LAMP1: variants seen among roughly 807,000 people sequenced by gnomAD.
The protein encoded by LAMP1 is lysosome-associated membrane glycoprotein 1.
A neutral mutation model predicts 37.5 loss-of-function variants in LAMP1; 7 were observed. That is an observed-to-expected ratio of 0.19 (90% confidence interval 0.11 to 0.35). The LOEUF (loss-of-function observed/expected upper bound fraction) is 0.35. Ranked by LOEUF, LAMP1 falls within the 10% of genes least tolerant of loss-of-function variation. The probability of loss-of-function intolerance (pLI) is 1.00; values close to 1 mark genes in which losing one functional copy is unlikely to be tolerated. For missense variants in LAMP1, 537 were observed against 552.8 expected (o/e 0.97, Z 0.29); for synonymous variants, 236 against 229.1 (o/e 1.03, Z -0.27).
At position 113,320,614 on chromosome 13, in the gene LAMP1, G is replaced by C; in HGVS notation, c.876+144G>C. The C allele has an allele frequency of 1.3e-6, 1 of 776,764 alleles. No individual in the cohort carries two copies. The highest frequency in any genetic ancestry group is 2.0e-6 in the Non-Finnish European group (1 of 497,658). The allele number at this position is 776,764 out of a possible 1,614,324, so 48.1% of individuals were successfully genotyped here. A position where few individuals can be genotyped will look rare whatever the true frequency, so the allele number is the denominator to read the frequency against. On this transcript the variant is annotated intron_variant, in intron 6 of 8. Transcript: ENST00000332556. This position sits in a 1 kb window ranked among gnomAD's most constrained non-coding sequence, Gnocchi z 4.4. ...CCTTCCCTTTATCCTGGGCTTTTTA[G>C]TTCCTTGGTTCCCCTCCCCCCTTTC... is the stretch of plus-strand genomic sequence containing the variant.
Position 113,321,291 on chromosome 13 carries a change from G to A in LAMP1, c.877-113G>A, listed in dbSNP as rs2042697534. On this transcript the variant is annotated intron_variant, in intron 6 of 8. Transcript: ENST00000332556. This position sits in a 1 kb window ranked among gnomAD's most constrained non-coding sequence, Gnocchi z 5.6. ...TAATACTAGAAATGTAGGAAGTCAG[G>A]TTTATTACCCAATGACCATTCACGT... The A allele has an allele frequency of 1.4e-5, 12 of 885,228 alleles. No homozygotes were observed. In the Middle Eastern group the frequency reaches 1.3e-3, roughly 93 times the overall value. The allele number at this position is 885,228 out of a possible 1,614,324, so 54.8% of individuals were successfully genotyped here.
intron 4 of LAMP1, 104 bp from the exon 5 acceptor site, chr13:113,319,365 G>GC: frequency 9.8e-7 from 1 of 1,022,940 alleles, no homozygotes; most frequent in Admixed American, 2.6e-5. Flanking sequence ...CACCAAGGAC[G>GC]CCAGAGTCCA....
At chr13:113,299,962 T>TA (rs57394818) in intron 1 of LAMP1, among the ~76,000 whole-genome samples, 10,899 of 152,166 alleles carry the variant, frequency 0.072, 1,241 homozygotes, top group African/African-American at 0.24. Context: ...CCTTTTTTCT[T>TA]AAAAAAAGAA....
Position 113,321,542 on chromosome 13 carries a change from C to T in LAMP1, c.944-15C>T. The T allele has an allele frequency of 1.2e-6, 2 of 1,613,870 alleles. No homozygotes were observed. On this transcript the variant is annotated splice_polypyrimidine_tract_variant and intron_variant, in intron 7 of 8. Transcript: ENST00000332556. The surrounding 1 kb of genome is among the most constrained non-coding windows in gnomAD (Gnocchi z 5.6). ...AGGGTATTCTGGAGCCACTAGACCT[C>T]TGTGTGTGTTGCAGACCCTGCCTTT...
At chr13:113,318,393 G>A (rs1047464678) in intron 4 of LAMP1, among the ~76,000 whole-genome samples, 1 of 152,168 alleles carries the variant, frequency 6.6e-6, no homozygotes. Flanking sequence ...TGGGGCTCAC[G>A]CGTGGTGACT....
chr13:113,319,746 C>A, intron 5 of LAMP1, 90 bp downstream of exon 5: 2 of 1,238,412 alleles, frequency 1.6e-6, no homozygotes, highest in Non-Finnish European at 1.1e-6. Flanking sequence ...CGTCTCTGCA[C>A]GTCATGCTGT....
chr13:113,308,731 C>T (rs139462143), intron 2 of LAMP1, among the ~76,000 whole-genome samples: 51 of 152,232 alleles, frequency 3.4e-4, no homozygotes, highest in Admixed American at 1.1e-3. Context: ...AGTGAGGTCA[C>T]CTATATGCTG....
chr13:113,306,386 T>C (rs901057802), intron 1 of LAMP1, 99 bp from the exon 2 acceptor site: 6 of 1,276,086 alleles, frequency 4.7e-6, no homozygotes, highest in African/African-American at 3.0e-5. Context: ...TGGAATCTTG[T>C]AATAAAAGCC....
chr13:113,316,422 T>G (rs1461568359), intron 4 of LAMP1, among the ~76,000 whole-genome samples: 4 of 150 alleles, frequency 0.027, no homozygotes, highest in Non-Finnish European at 0.33. Context: ...TTTGGCATGA[T>G]TTTTTTTTTT....
Position 113,320,590 on chromosome 13 carries a change from C to T in LAMP1, c.876+120C>T, listed in dbSNP as rs1167328698. The T allele has an allele frequency of 1.6e-5, 17 of 1,059,828 alleles. No individual in the cohort carries two copies. The highest frequency in any genetic ancestry group is 2.3e-5 in the Non-Finnish European group (17 of 745,150). The allele number at this position is 1,059,828 out of a possible 1,614,324, so 65.7% of individuals were successfully genotyped here. A position where few individuals can be genotyped will look rare whatever the true frequency, so the allele number is the denominator to read the frequency against. ...AGGAGGCGGCCTCACTTTTTTCTGCCTTCCCTTTATCCTGGGCTTTTTAGT... is the reference window on the plus strand; with the variant it reads ...AGGAGGCGGCCTCACTTTTTTCTGCTTTCCCTTTATCCTGGGCTTTTTAGT... On this transcript the variant is annotated intron_variant, in intron 6 of 8. Coordinates refer to ENST00000332556, the MANE Select transcript of LAMP1 (RefSeq NM_005561.4). The surrounding 1 kb of genome is among the most constrained non-coding windows in gnomAD (Gnocchi z 4.4).
chr13:113,316,116 CAAAG>C (rs1162845275), intron 4 of LAMP1, among the ~76,000 whole-genome samples: 1 of 151,988 alleles, frequency 6.6e-6, no homozygotes, highest in Non-Finnish European at 1.5e-5. Flanking sequence ...AACAAAAAAA[CAAAG>C]TAGGGCAGAT....
intron 2 of LAMP1, among the ~76,000 whole-genome samples, chr13:113,307,077 G>A (rs964940904): frequency 6.6e-6 from 1 of 151,708 alleles, no homozygotes; most frequent in Non-Finnish European, 1.5e-5. Context: ...CTGACCTCGT[G>A]ATCCACCCGC....
intron 4 of LAMP1, among the ~76,000 whole-genome samples, chr13:113,313,346 G>C (rs1416024996): frequency 6.6e-6 from 1 of 152,220 alleles, no homozygotes; most frequent in Non-Finnish European, 1.5e-5. Flanking sequence ...ATTTTTTAGA[G>C]CAGTCTTAGG....
chr13:113,307,809 A>AT, intron 2 of LAMP1, among the ~76,000 whole-genome samples: 1 of 148,310 alleles, frequency 6.7e-6, no homozygotes, highest in Admixed American at 6.7e-5. Context: ...AAAAAAAAAA[A>AT]AAAGCCAGAC....
chr13:113,306,408 A>C, intron 1 of LAMP1, 77 bp from the exon 2 acceptor site: 1 of 1,492,036 alleles, frequency 6.7e-7, no homozygotes, highest in African/African-American at 1.4e-5. Flanking sequence ...TCACTGCTAC[A>C]GCTGTGGAAA....
intron 2 of LAMP1, among the ~76,000 whole-genome samples, chr13:113,309,244 G>A (rs1435224903): frequency 6.6e-6 from 1 of 152,074 alleles, no homozygotes; most frequent in Admixed American, 6.6e-5. Flanking sequence ...GGGACGACAG[G>A]CAGACACCAC....
At chr13:113,316,201 G>A (rs79112189) in intron 4 of LAMP1, among the ~76,000 whole-genome samples, 166 of 152,288 alleles carry the variant, frequency 1.1e-3, no homozygotes, top group African/African-American at 3.8e-3. Context: ...CATCCAAACC[G>A]GATTTCCAGC....
chr13:113,302,803 G>T (rs1425323410), intron 1 of LAMP1, among the ~76,000 whole-genome samples: 1 of 152,112 alleles, frequency 6.6e-6, no homozygotes, highest in African/African-American at 2.4e-5. Context: ...GAAGTGGCAC[G>T]TCCTGTGAGT....
At chr13:113,299,495 C>T (rs1264198019) in intron 1 of LAMP1, among the ~76,000 whole-genome samples, 1 of 151,894 alleles carries the variant, frequency 6.6e-6, no homozygotes, top group Non-Finnish European at 1.5e-5. Context: ...GATCTCCCGA[C>T]CTCGTGATCC....
Sources: allele counts gnomAD v4.1 joint callset (sites outside exome capture counted in the v4.1 genomes callset), GRCh38; gene constraint gnomAD v4.1.1; non-coding constraint Gnocchi (gnomAD v3.1); transcripts MANE v1.5; gene names NCBI Gene and HGNC (gene_info 2026-07-23, HGNC 2026-07-21).